Variants in ESRRB observed in about 807,000 individuals in gnomAD.
ESRRB encodes estrogen related receptor beta.
ESRRB carries 16 observed loss-of-function variants against 46.0 expected under a neutral mutation model. That is an observed-to-expected ratio of 0.35 (90% confidence interval 0.24 to 0.53). The LOEUF is 0.53. Ranked by LOEUF, ESRRB falls within the 20% of genes least tolerant of loss-of-function variation. The probability of loss-of-function intolerance (pLI) is 0.93; values close to 1 mark genes in which losing one functional copy is unlikely to be tolerated. For synonymous variants in ESRRB, 246 were observed against 259.6 expected (o/e 0.95, Z 0.50); for missense variants, 488 against 607.4 (o/e 0.80, Z 2.07).
intron 1 of ESRRB, among the ~76,000 whole-genome samples, chr14:76,325,039 A>G (rs1056530941): frequency 7.3e-6 from 1 of 136,908 alleles, no homozygotes; most frequent in African/African-American, 2.8e-5. Context: ...ATCTTGGCTC[A>G]CTGCAACCTC....
At chr14:76,465,754 A>G (rs1261253331) in intron 3 of ESRRB, among the ~76,000 whole-genome samples, 1 of 152,206 alleles carries the variant, frequency 6.6e-6, no homozygotes, top group Non-Finnish European at 1.5e-5. Flanking sequence ...TGAAGGAGGA[A>G]GGGACAGCCA....
At chr14:76,487,979 A>G (rs902795158) in intron 5 of ESRRB, among the ~76,000 whole-genome samples, 2 of 152,144 alleles carry the variant, frequency 1.3e-5, no homozygotes, top group Non-Finnish European at 2.9e-5. Flanking sequence ...ATTTAATTAT[A>G]TTTATGACTT....
intron 2 of ESRRB, among the ~76,000 whole-genome samples, chr14:76,454,692 A>G (rs917043441): frequency 1.3e-5 from 2 of 152,166 alleles, no homozygotes; most frequent in Admixed American, 6.5e-5. Context: ...ATTAGGGTGG[A>G]CAATTTGGAA....
intron 1 of ESRRB, among the ~76,000 whole-genome samples, chr14:76,342,147 G>T (rs573797749): frequency 2.0e-5 from 3 of 152,166 alleles, no homozygotes. Context: ...TTGGGGCAAC[G>T]GGGCTAACAC....
At chr14:76,461,384 C>T (rs1888852674) in intron 2 of ESRRB, among the ~76,000 whole-genome samples, 1 of 152,346 alleles carries the variant, frequency 6.6e-6, no homozygotes, top group Non-Finnish European at 1.5e-5. Flanking sequence ...GGGGGCTGTG[C>T]TAAGTGCTGC....
intron 5 of ESRRB, 32 bp from the exon 6 acceptor site, chr14:76,491,412 CCTG>C (rs746121116): frequency 4.6e-5 from 74 of 1,604,262 alleles, no homozygotes; most frequent in Non-Finnish European, 5.9e-5. Flanking sequence ...GCCCTCCTGA[CCTG>C]CTGCTGCCCT....
rs371789554 is a variant in ESRRB at position 76,333,418 on chromosome 14, TATC to T, written c.2+22505_2+22507del. ...TATATATTTATATATGATATATTTA[TATC>T]ATATATATATTTATATATGATATAT... is the stretch of plus-strand genomic sequence containing the variant. On this transcript the variant is annotated intron_variant, in intron 1 of 6. Transcript: ENST00000512784. Among the ~76,000 whole-genome samples the T allele has an allele frequency of 1.4e-3, 52 of 37,674 alleles. 6 individuals are homozygous for T. Among genetic ancestry groups the T allele is most frequent in the East Asian group, 4.4e-3 (7 of 1,580 alleles). The allele number at this position is 37,674 out of a possible 152,430, so 24.7% of individuals were successfully genotyped here.
At chr14:76,480,220 G>A (rs990606279) in intron 3 of ESRRB, among the ~76,000 whole-genome samples, 5 of 152,100 alleles carry the variant, frequency 3.3e-5, no homozygotes, top group African/African-American at 7.2e-5. Context: ...CCCTCTCCCC[G>A]ACTAAAAAAC....
At chr14:76,348,774 C>T (rs1327925463) in intron 1 of ESRRB, among the ~76,000 whole-genome samples, 1 of 152,144 alleles carries the variant, frequency 6.6e-6, no homozygotes, top group African/African-American at 2.4e-5. Flanking sequence ...TGGGGTGCCA[C>T]CCGGGGCTTT....
intron 1 of ESRRB, among the ~76,000 whole-genome samples, chr14:76,416,806 G>A (rs914409161): frequency 1.3e-5 from 2 of 152,066 alleles, no homozygotes; most frequent in Non-Finnish European, 2.9e-5. Context: ...TATATTTACC[G>A]AGCACCTACT....
In ESRRB at chr14:76,449,482, C is replaced by T. The variant is rs193101266; in HGVS notation, c.460+9732C>T. ...ACAAGAATTGTTTGAACCCGGGAGG[C>T]GGAAGTTGCAGTGAGCCAAGATCAC... On this transcript the variant is annotated intron_variant, in intron 2 of 6. Transcript: ENST00000644823. Among the ~76,000 whole-genome samples the T allele has an allele frequency of 6.6e-5, 10 of 151,548 alleles. No individual in the cohort carries two copies. The East Asian group carries it at 1.6e-3, about 24-fold the overall frequency.
intron 2 of ESRRB, among the ~76,000 whole-genome samples, chr14:76,462,287 G>T (rs1888899557): frequency 6.6e-6 from 1 of 152,216 alleles, no homozygotes; most frequent in Admixed American, 6.5e-5. Flanking sequence ...CCCAGAAGTG[G>T]CTTCAACACT....
chr14:76,448,200 T>A (rs192065907), intron 2 of ESRRB, among the ~76,000 whole-genome samples: 1 of 152,056 alleles, frequency 6.6e-6, no homozygotes, highest in Admixed American at 6.6e-5. Flanking sequence ...CTCTCATTCC[T>A]CCTGGATGCC....
chr14:76,474,425 T>C (rs575300793), intron 3 of ESRRB, among the ~76,000 whole-genome samples: 2 of 152,386 alleles, frequency 1.3e-5, no homozygotes, highest in East Asian at 3.9e-4. Flanking sequence ...ATTTAAAGTA[T>C]ACAGTTTGAT....
chr14:76,451,789 AT>A (rs111716273), intron 2 of ESRRB, among the ~76,000 whole-genome samples: 25,182 of 122,764 alleles, frequency 0.21, 3,048 homozygotes, highest in African/African-American at 0.39. Context: ...TGCCCAGCTA[AT>A]TTTTTTTTTT....
chr14:76,407,619 A>C (rs1432823571), intron 1 of ESRRB: 1 of 985,114 alleles, frequency 1.0e-6, no homozygotes, highest in Non-Finnish European at 1.2e-6. Context: ...CAGTCGGGCC[A>C]GCAGGGCCAC....
At chr14:76,430,555 C>T (rs1887395905) in intron 1 of ESRRB, among the ~76,000 whole-genome samples, 2 of 152,222 alleles carry the variant, frequency 1.3e-5, no homozygotes, top group South Asian at 4.1e-4. Flanking sequence ...ATCACAGCCT[C>T]AGGCAACATC....
chr14:76,383,910 C>T (rs1285516872), intron 1 of ESRRB, among the ~76,000 whole-genome samples: 6 of 152,020 alleles, frequency 3.9e-5, no homozygotes, highest in Non-Finnish European at 7.4e-5. Flanking sequence ...TTATCTGAGG[C>T]GCGTGGTGAT....
At chr14:76,366,113 C>A (rs1337267628) in intron 1 of ESRRB, among the ~76,000 whole-genome samples, 1 of 152,146 alleles carries the variant, frequency 6.6e-6, no homozygotes, top group Admixed American at 6.5e-5. Flanking sequence ...GTATTTTAAA[C>A]CAGTCATGGT....
Sources: gnomAD v4.1 joint callset for allele counts (sites outside exome capture counted in the v4.1 genomes callset) on GRCh38, gnomAD v4.1.1 for gene constraint, MANE v1.5 for transcripts, NCBI Gene and HGNC (gene_info 2026-07-23, HGNC 2026-07-21) for gene names.